CCDC146: variants seen among roughly 807,000 people sequenced by gnomAD.
CCDC146 encodes the protein coiled-coil domain-containing protein 146.
A neutral mutation model predicts 119.3 loss-of-function variants in CCDC146; 92 were observed. That is an observed-to-expected ratio of 0.77 (90% confidence interval 0.65 to 0.92). The LOEUF (loss-of-function observed/expected upper bound fraction) is 0.92. Ranked by LOEUF, CCDC146 falls within the 40% of genes least tolerant of loss-of-function variation. The pLI is 0.00. For missense variants in CCDC146, 1,000 were observed against 1,103.0 expected (o/e 0.91, Z 1.32); for synonymous variants, 372 against 371.8 (o/e 1.00, Z -0.01).
chr7:77,287,715 G>A lies in CCDC146; in HGVS notation c.2415+138G>A, dbSNP rs551928506. On this transcript the variant is annotated intron_variant, in intron 17 of 18. Coordinates refer to ENST00000285871, the MANE Select transcript of CCDC146 (RefSeq NM_020879.3). ...CTAGGGGAACTTAGAAAAACGAAAG[G>A]ATGACTCAGAGAATTGTCCAAAATG... 4 of 870,252 alleles carry A rather than the reference G, an allele frequency of 4.6e-6. No individual in the cohort carries two copies. The South Asian group carries it at 7.4e-5, about 16-fold the overall frequency. 53.9% of individuals were successfully genotyped at this position (870,252 alleles called of 1,614,324 possible).
chr7:77,228,372 A>G (rs1474835513), intron 2 of CCDC146, among the ~76,000 whole-genome samples: 1 of 152,044 alleles, frequency 6.6e-6, no homozygotes, highest in African/African-American at 2.4e-5. Flanking sequence ...ATGTGTTTTC[A>G]TCATTTAGCT....
Position 77,293,146 on chromosome 7 carries a change from G to A in CCDC146, c.2610G>A (p.Leu870=). The A allele has an allele frequency of 6.2e-7, 1 of 1,614,154 alleles. No homozygotes were observed. ...PLNKEIEKEW[L]KVLRDEEMHA... is the part of the protein sequence containing the mutation. Reference sequence around the variant, plus strand: ...ATAAGGAAATTGAGAAAGAATGGTTGAAAGTCCTTCGAGATGAAGAAATGC... The same window carrying A: ...ATAAGGAAATTGAGAAAGAATGGTTAAAAGTCCTTCGAGATGAAGAAATGC... The change falls in exon 18 of 19, where the codon TTG becomes TTA. Residue 870 remains leucine (L), a synonymous_variant. Coordinates refer to ENST00000285871, the MANE Select transcript of CCDC146 (RefSeq NM_020879.3).
At chr7:77,179,377 T>C (rs988691345) in intron 2 of CCDC146, among the ~76,000 whole-genome samples, 2 of 152,098 alleles carry the variant, frequency 1.3e-5, no homozygotes, top group Admixed American at 6.6e-5. Context: ...AAACTCCCCC[T>C]CCCAAGAGAC....
chr7:77,161,198 A>G (rs1257096267), intron 1 of CCDC146, among the ~76,000 whole-genome samples: 4 of 152,170 alleles, frequency 2.6e-5, no homozygotes, highest in Non-Finnish European at 5.9e-5. Flanking sequence ...GGGACTGTAA[A>G]CTAGTTCAAC....
chr7:77,260,489 C>G (rs986347180), intron 8 of CCDC146, among the ~76,000 whole-genome samples: 5 of 152,150 alleles, frequency 3.3e-5, no homozygotes, highest in Admixed American at 6.5e-5. Flanking sequence ...TCTGAATGTG[C>G]CTTTGGAAAA....
intron 2 of CCDC146, among the ~76,000 whole-genome samples, chr7:77,192,926 A>G (rs1024218689): frequency 9.9e-5 from 15 of 152,162 alleles, no homozygotes; most frequent in African/African-American, 3.6e-4. Flanking sequence ...CCGTCTCTAA[A>G]AAAAATAAAA....
Position 77,273,703 on chromosome 7 carries a change from A to G in CCDC146, c.1183A>G (p.Ile395Val). 1 of 1,607,186 alleles carries G rather than the reference A, an allele frequency of 6.2e-7. No homozygotes were observed. The highest frequency in any genetic ancestry group is 2.2e-5 in the East Asian group (1 of 44,664). The change falls in exon 10 of 19, where the codon ATC (isoleucine) becomes GTC (valine). Residue 395 changes from isoleucine (I) to valine (V), a missense_variant. Ile to Val is a conservative substitution (Grantham distance 29). Coordinates refer to ENST00000285871, the MANE Select transcript of CCDC146 (RefSeq NM_020879.3). ...AAATTTTGATTTCCAGATGGAAGCT[A>G]TCCCCAAAGATGATTCTACATTATC... is the stretch of plus-strand genomic sequence containing the variant. Reference protein sequence around the residue: ...HQRLLLEMEAIPKDDSTLSER... With the variant: ...HQRLLLEMEAVPKDDSTLSER...
chr7:77,146,840 A>C lies in CCDC146; in HGVS notation c.-11-20818A>C, dbSNP rs540048012. On this transcript the variant is annotated intron_variant, in intron 1 of 18. Coordinates refer to ENST00000285871, the MANE Select transcript of CCDC146 (RefSeq NM_020879.3). ...CGACCTTTCTCTCTGGCTGCCCTTAACATTTTTTCCTTCATTTCAACTTTG... is the reference window on the plus strand; with the variant it reads ...CGACCTTTCTCTCTGGCTGCCCTTACCATTTTTTCCTTCATTTCAACTTTG... Among the ~76,000 whole-genome samples, 6 of 152,180 alleles carry C rather than the reference A, an allele frequency of 3.9e-5. No homozygotes were observed. In the South Asian group the frequency reaches 1.2e-3, roughly 32 times the overall value.
intron 10 of CCDC146, among the ~76,000 whole-genome samples, chr7:77,274,245 T>C (rs1348491122): frequency 6.6e-6 from 1 of 152,100 alleles, no homozygotes; most frequent in Non-Finnish European, 1.5e-5. Flanking sequence ...TAATTTTTAT[T>C]TTTTTTATAG....
chr7:77,145,677 C>A (rs377272782), intron 1 of CCDC146, among the ~76,000 whole-genome samples: 3 of 151,974 alleles, frequency 2.0e-5, no homozygotes, highest in African/African-American at 7.2e-5. Flanking sequence ...CGTTATGTAC[C>A]CAGTAGTCAT....
intron 1 of CCDC146, among the ~76,000 whole-genome samples, chr7:77,155,369 C>T (rs1791164715): frequency 6.6e-6 from 1 of 151,978 alleles, no homozygotes; most frequent in Non-Finnish European, 1.5e-5. Flanking sequence ...TGTTGGCTTG[C>T]TTTTTCTAAA....
At chr7:77,222,477 T>A (rs1023293422) in intron 2 of CCDC146, among the ~76,000 whole-genome samples, 37 of 152,074 alleles carry the variant, frequency 2.4e-4, no homozygotes, top group African/African-American at 8.5e-4. Flanking sequence ...AGAGCTGGGG[T>A]ATACTGACAG....
intron 1 of CCDC146, among the ~76,000 whole-genome samples, chr7:77,133,817 A>G (rs1178453317): frequency 1.4e-5 from 2 of 140,442 alleles, no homozygotes; most frequent in Middle Eastern, 3.3e-3. Flanking sequence ...AATCAATTAC[A>G]TATGCTTAGG....
At chr7:77,198,883 C>T (rs1191768175) in intron 2 of CCDC146, 1 of 442,934 alleles carries the variant, frequency 2.3e-6, no homozygotes, top group Non-Finnish European at 4.0e-6. Context: ...AAGTTAAATG[C>T]ACTAAAACAT....
Position 77,280,765 on chromosome 7 carries a change from A to G in CCDC146, c.1919+112A>G, listed in dbSNP as rs574262010. On this transcript the variant is annotated intron_variant, in intron 14 of 18. Transcript: ENST00000285871. Reference sequence around the variant, plus strand: ...GAGGGAAATGTGATATTCAGGTTGCATTAGCCTTTGGAGAGAAGGGACTGT... The same window carrying G: ...GAGGGAAATGTGATATTCAGGTTGCGTTAGCCTTTGGAGAGAAGGGACTGT... 215 of 746,454 alleles carry G rather than the reference A, an allele frequency of 2.9e-4. 1 individual carries two copies. In the African/African-American group the frequency reaches 3.4e-3, roughly 12 times the overall value. The allele number at this position is 746,454 out of a possible 1,614,324, so 46.2% of individuals were successfully genotyped here.
chr7:77,262,344 G>C (rs375158732), intron 9 of CCDC146, 37 bp downstream of exon 9: 3 of 1,461,658 alleles, frequency 2.1e-6, no homozygotes, highest in South Asian at 2.8e-5. Context: ...TTTTAAGCTC[G>C]GTGCTAACTT....
intron 2 of CCDC146, among the ~76,000 whole-genome samples, chr7:77,208,123 C>CT (rs1451302066): frequency 6.6e-6 from 1 of 152,156 alleles, no homozygotes; most frequent in African/African-American, 2.4e-5. Context: ...GTAAGGACAC[C>CT]TTTTCTGAAC....
chr7:77,158,791 T>C (rs1464992910), intron 1 of CCDC146, among the ~76,000 whole-genome samples: 1 of 152,198 alleles, frequency 6.6e-6, no homozygotes, highest in Non-Finnish European at 1.5e-5. Context: ...GTACTGGGAT[T>C]ACAGGCGTAA....
chr7:77,280,815 A>G (rs1242423652), intron 14 of CCDC146, among the ~76,000 whole-genome samples, 162 bp downstream of exon 14: 1 of 152,186 alleles, frequency 6.6e-6, no homozygotes, highest in African/African-American at 2.4e-5. Context: ...GAAAATAAGA[A>G]ACACTGTCCT....
Sources: allele counts gnomAD v4.1 joint callset (sites outside exome capture counted in the v4.1 genomes callset), GRCh38; gene constraint gnomAD v4.1.1; transcripts MANE v1.5; gene names NCBI Gene and HGNC (gene_info 2026-07-23, HGNC 2026-07-21).